SPATA16: variants seen among roughly 807,000 people sequenced by gnomAD.
SPATA16 encodes spermatogenesis associated 16.
Under a neutral mutation model 63.3 loss-of-function variants are expected in SPATA16, and 36 were observed. The ratio of observed to expected loss-of-function variants is 0.57; its 90% confidence interval spans 0.44 to 0.75. The LOEUF is 0.75. SPATA16 is among the 30% of genes least tolerant of loss of function. The pLI, the probability that SPATA16 is intolerant of heterozygous loss-of-function variation, is 0.00. For missense variants in SPATA16, 646 were observed against 679.3 expected (o/e 0.95, Z 0.54); for synonymous variants, 203 against 216.7 (o/e 0.94, Z 0.56).
intron 2 of SPATA16, among the ~76,000 whole-genome samples, chr3:173,082,160 A>G (rs913760235): frequency 2.0e-5 from 3 of 152,094 alleles, no homozygotes; most frequent in Admixed American, 2.0e-4. Flanking sequence ...GTACCCCAAC[A>G]TTTGCAGGGC....
chr3:172,889,835 C>G, intron 10 of SPATA16, 143 bp from the exon 11 acceptor site: 1 of 1,184,216 alleles, frequency 8.4e-7, no homozygotes, highest in Non-Finnish European at 1.2e-6. Flanking sequence ...AATGATTACA[C>G]ATAAAAGCCT....
At chr3:172,976,677 A>G (rs1165935629) in intron 5 of SPATA16, among the ~76,000 whole-genome samples, 3 of 152,092 alleles carry the variant, frequency 2.0e-5, no homozygotes, top group Admixed American at 1.3e-4. Flanking sequence ...CATATTTTAA[A>G]TAATCCTAAT....
rs1736740041 is a variant in SPATA16, at chr3:173,074,391, G to A, written c.613-25297C>T. On this transcript the variant is annotated intron_variant, in intron 2 of 10. Coordinates refer to ENST00000351008, the MANE Select transcript of SPATA16 (RefSeq NM_031955.6). Reference sequence around the variant, plus strand: ...CTCCCATAATTCCCACATGTGGGAGGGACCTGGTGGGAGATAATTGAATCA... The same window carrying A: ...CTCCCATAATTCCCACATGTGGGAGAGACCTGGTGGGAGATAATTGAATCA... Among the ~76,000 whole-genome samples, 3 of 152,210 alleles carry A rather than the reference G, an allele frequency of 2.0e-5. No homozygotes were observed. The South Asian group carries it at 6.2e-4, about 32-fold the overall frequency.
intron 6 of SPATA16, among the ~76,000 whole-genome samples, chr3:172,934,767 G>C (rs1392116): frequency 0.037 from 5,660 of 152,196 alleles, 147 homozygotes; most frequent in South Asian, 0.11. Flanking sequence ...GCAAGGCTTT[G>C]ACTTAGAATT....
intron 6 of SPATA16, among the ~76,000 whole-genome samples, chr3:172,945,447 A>T (rs1034929643): frequency 2.0e-5 from 3 of 152,204 alleles, no homozygotes; most frequent in African/African-American, 7.2e-5. Flanking sequence ...AATTAGATGG[A>T]CCATTATAGT....
chr3:173,037,341 T>C (rs1196990210), intron 3 of SPATA16, among the ~76,000 whole-genome samples: 1 of 152,096 alleles, frequency 6.6e-6, no homozygotes, highest in African/African-American at 2.4e-5. Context: ...CCTGTATGTG[T>C]TGAACAGATT....
chr3:172,983,866 C>G (rs1475452960), intron 4 of SPATA16, among the ~76,000 whole-genome samples: 2 of 152,042 alleles, frequency 1.3e-5, no homozygotes, highest in African/African-American at 2.4e-5. Flanking sequence ...TCTCAAAACC[C>G]AACCTCCTAT....
At chr3:173,057,774 C>A (rs2108298766) in intron 2 of SPATA16, among the ~76,000 whole-genome samples, 1 of 152,286 alleles carries the variant, frequency 6.6e-6, no homozygotes, top group Non-Finnish European at 1.5e-5. Context: ...ACTTTTACAG[C>A]AAATCAACAG....
intron 4 of SPATA16, among the ~76,000 whole-genome samples, chr3:172,985,722 G>A (rs945809034): frequency 6.6e-6 from 1 of 152,118 alleles, no homozygotes; most frequent in Non-Finnish European, 1.5e-5. Flanking sequence ...TTTTTATTTG[G>A]TTGGGGAGCA....
chr3:173,039,165 G>C (rs1735783035), intron 3 of SPATA16, among the ~76,000 whole-genome samples: 2 of 152,134 alleles, frequency 1.3e-5, no homozygotes, highest in African/African-American at 4.8e-5. Context: ...TGAAGTACAT[G>C]AATGCTTTTA....
chr3:172,990,279 A>T (rs1734545568), intron 4 of SPATA16, among the ~76,000 whole-genome samples: 1 of 152,208 alleles, frequency 6.6e-6, no homozygotes, highest in African/African-American at 2.4e-5. Context: ...AAGTATCTAG[A>T]ATGGTGATTG....
At chr3:173,087,069 G>A (rs1233792293) in intron 2 of SPATA16, among the ~76,000 whole-genome samples, 2 of 152,120 alleles carry the variant, frequency 1.3e-5, no homozygotes, top group Admixed American at 1.3e-4. Context: ...CTGAGTTCAA[G>A]TCCTGAATAT....
rs897584210 is a variant in SPATA16 at position 173,141,167 on chromosome 3, A to T, written c.-83T>A. 3.9e-5 allele frequency: 6 copies of T among 152,300 alleles called. No homozygotes were observed. The highest frequency in any genetic ancestry group is 5.9e-5 in the Non-Finnish European group (4 of 68,118). 9.4% of individuals were successfully genotyped at this position (152,300 alleles called of 1,614,324 possible). A position where few individuals can be genotyped will look rare whatever the true frequency, so the allele number is the denominator to read the frequency against. On this transcript the variant is annotated 5_prime_UTR_variant, in exon 1 of 11. An upstream start codon of the reference 5' UTR is lost. Coordinates refer to ENST00000351008, the MANE Select transcript of SPATA16 (RefSeq NM_031955.6). Reference sequence around the variant, plus strand: ...GCTCTGGACTCCTCCCAGCCACAGCATCTGCCAACACCGGCTTCCCAACGT... The same window carrying T: ...GCTCTGGACTCCTCCCAGCCACAGCTTCTGCCAACACCGGCTTCCCAACGT...
intron 4 of SPATA16, among the ~76,000 whole-genome samples, chr3:172,989,941 A>G (rs2108259968): frequency 6.6e-6 from 1 of 152,302 alleles, no homozygotes; most frequent in South Asian, 2.1e-4. Context: ...TGAGAATGCC[A>G]TTTCTTTGGT....
chr3:172,955,547 TC>T (rs778983058), intron 6 of SPATA16, among the ~76,000 whole-genome samples: 4 of 152,162 alleles, frequency 2.6e-5, no homozygotes, highest in Non-Finnish European at 5.9e-5. Flanking sequence ...CTTCTCCTCT[TC>T]CCTTTCTCTG....
At chr3:172,922,987 A>G (rs1732647728) in intron 8 of SPATA16, among the ~76,000 whole-genome samples, 1 of 152,104 alleles carries the variant, frequency 6.6e-6, no homozygotes, top group South Asian at 2.1e-4. Context: ...CTAAAAAACA[A>G]AGAGCTAGGC....
chr3:172,896,299 C>G (rs960312026), intron 10 of SPATA16, among the ~76,000 whole-genome samples: 1 of 152,220 alleles, frequency 6.6e-6, no homozygotes, highest in Non-Finnish European at 1.5e-5. Flanking sequence ...CGGCTCACTG[C>G]AAGCTCCGCC....
chr3:173,061,203 G>A (rs1174506229), intron 2 of SPATA16, among the ~76,000 whole-genome samples: 1 of 152,108 alleles, frequency 6.6e-6, no homozygotes, highest in African/African-American at 2.4e-5. Context: ...TGATAAATGA[G>A]ATTAACATTT....
chr3:172,940,856 G>T (rs1311185404), intron 6 of SPATA16, among the ~76,000 whole-genome samples: 1 of 152,048 alleles, frequency 6.6e-6, no homozygotes, highest in Non-Finnish European at 1.5e-5. Flanking sequence ...GGTGGCACGT[G>T]CCTGTAATCA....
Sources: gnomAD v4.1 joint callset for allele counts (sites outside exome capture counted in the v4.1 genomes callset) on GRCh38, gnomAD v4.1.1 for gene constraint, MANE v1.5 for transcripts, NCBI Gene and HGNC (gene_info 2026-07-23, HGNC 2026-07-21) for gene names.